The following ASXL3 variants were observed in gnomAD, a reference collection of about 807,000 sequenced individuals.
ASXL3 encodes ASXL transcriptional regulator 3.
ASXL3 carries 34 observed loss-of-function variants against 170.6 expected under a neutral mutation model. The ratio of observed to expected loss-of-function variants is 0.20; its 90% CI spans 0.15 to 0.27. The LOEUF is 0.27. Among genes scored for constraint, ASXL3 ranks in the 10% least tolerant of loss-of-function variants. The pLI, the probability that ASXL3 is intolerant of heterozygous loss-of-function variation, is 1.00. For missense variants in ASXL3, 2,592 were observed against 2,695.3 expected (o/e 0.96, Z 0.85); for synonymous variants, 1,002 against 989.1 (o/e 1.01, Z -0.24).
intron 1 of ASXL3, among the ~76,000 whole-genome samples, chr18:33,604,962 A>C (rs542680426): frequency 6.6e-6 from 1 of 152,178 alleles, no homozygotes; most frequent in South Asian, 2.1e-4. Context: ...GAATTAAAAA[A>C]TAAGTACTTG....
chr18:33,580,917 TA>T (rs1449864054), intron 1 of ASXL3, among the ~76,000 whole-genome samples: 3 of 152,200 alleles, frequency 2.0e-5, no homozygotes, highest in Non-Finnish European at 4.4e-5. Flanking sequence ...AAATACTGAA[TA>T]AAATTGCAAG....
chr18:33,665,262 G>A (rs551737304), intron 5 of ASXL3, among the ~76,000 whole-genome samples: 2 of 152,248 alleles, frequency 1.3e-5, no homozygotes, highest in African/African-American at 4.8e-5. Flanking sequence ...GGGTGGTAGA[G>A]TTTATTCATA....
At chr18:33,647,963 C>T (rs2065939863) in intron 4 of ASXL3, among the ~76,000 whole-genome samples, 1 of 151,914 alleles carries the variant, frequency 6.6e-6, no homozygotes, top group Admixed American at 6.6e-5. Context: ...ACAGCAGTTA[C>T]AAAGGCATTG....
intron 7 of ASXL3, among the ~76,000 whole-genome samples, chr18:33,679,533 T>C (rs183993045): frequency 6.6e-6 from 1 of 152,212 alleles, no homozygotes; most frequent in Admixed American, 6.5e-5. Context: ...TGAAGAAGTT[T>C]TTTCTTTTTT....
rs368907160 is a variant in ASXL3, at chr18:33,598,104, T to C, written c.55-9490T>C. Reference sequence around the variant, plus strand: ...TAGTATTCATATGTAGGCAAAAATATACACTAAGCACCTTAATTTTCATAA... The same window carrying C: ...TAGTATTCATATGTAGGCAAAAATACACACTAAGCACCTTAATTTTCATAA... On this transcript the variant is annotated intron_variant, in intron 1 of 11. Coordinates refer to ENST00000269197, the MANE Select transcript of ASXL3 (RefSeq NM_030632.3). 3.9e-5 allele frequency among the ~76,000 whole-genome samples: 6 copies of C among 152,138 alleles called. No homozygotes were observed. In the East Asian group the frequency reaches 9.6e-4, roughly 24 times the overall value.
chr18:33,684,213 T>A (rs139122423), intron 8 of ASXL3, among the ~76,000 whole-genome samples: 1 of 152,334 alleles, frequency 6.6e-6, no homozygotes, highest in African/African-American at 2.4e-5. Context: ...ACATAAACTT[T>A]TATTAAATTT....
Position 33,738,535 on chromosome 18 carries a change from C to G in ASXL3, c.1131C>G (p.Asn377Lys), listed in dbSNP as rs1296893208. The G allele has an allele frequency of 6.2e-7, 1 of 1,613,710 alleles. No individual in the cohort carries two copies. Residue 377 changes from asparagine (N) to lysine (K), a missense_variant, in exon 11 of 12, where the codon AAC (asparagine) becomes AAG (lysine). Around this residue, in one of 4 missense-constraint regions of ASXL3, gnomAD observed 2,246 missense variants for 2,219.6 expected, o/e 1.01. Transcript: ENST00000269197. ...CTGTGAAGCTCACTACTGGACCAAA[C>G]AACGCTGGAGCTCAAAGTAGTTCTT... ...EESVKLTTGPNNAGAQSSSSC... is the reference protein window; with the variant it reads ...EESVKLTTGPKNAGAQSSSSC...
Position 33,740,085 on chromosome 18 carries a change from G to T in ASXL3, c.2681G>T (p.Gly894Val), listed in dbSNP as rs772381283. The change falls in exon 11 of 12, where the codon GGA becomes GTA. Residue 894 changes from glycine (G) to valine (V), a missense_variant. Physicochemically the swap from Gly to Val is moderately radical, Grantham distance 109 (BLOSUM62 -3). This residue lies in a region of ASXL3 where 2,246 missense variants were observed against 2,219.6 expected (regional missense o/e 1.01). Coordinates refer to ENST00000269197, the MANE Select transcript of ASXL3 (RefSeq NM_030632.3). ...SVFSEGTDNK[G>V]NELPSAKLQD... ...TTTTCTGAAGGGACAGATAATAAGG[G>T]AAATGAGCTTCCATCTGCTAAATTA... is the stretch of plus-strand genomic sequence containing the variant. 11 of 1,613,776 alleles carry T rather than the reference G, an allele frequency of 6.8e-6. No individual in the cohort carries two copies. In the African/African-American group the frequency reaches 9.3e-5, roughly 14 times the overall value.
At chr18:33,594,991 G>T (rs1464132497) in intron 1 of ASXL3, among the ~76,000 whole-genome samples, 3 of 152,108 alleles carry the variant, frequency 2.0e-5, no homozygotes, top group Non-Finnish European at 4.4e-5. Context: ...AAATATTTAT[G>T]CATGACTCAA....
chr18:33,665,680 A>G (rs750177064), intron 5 of ASXL3, among the ~76,000 whole-genome samples: 1 of 152,224 alleles, frequency 6.6e-6, no homozygotes, highest in Non-Finnish European at 1.5e-5. Flanking sequence ...TTCCATTAGG[A>G]TAGGAATGAA....
intron 7 of ASXL3, among the ~76,000 whole-genome samples, chr18:33,676,742 T>G (rs1475538232): frequency 6.6e-6 from 1 of 152,138 alleles, no homozygotes; most frequent in South Asian, 2.1e-4. Flanking sequence ...AAGCATGTGT[T>G]TTTCTTGCCT....
At chr18:33,713,078 A>G (rs541080365) in intron 8 of ASXL3, among the ~76,000 whole-genome samples, 1 of 152,072 alleles carries the variant, frequency 6.6e-6, no homozygotes, top group Admixed American at 6.6e-5. Flanking sequence ...GAAGTTGGAC[A>G]CAGCCACCAG....
At chr18:33,735,286 G>T (rs2067525095) in intron 10 of ASXL3, among the ~76,000 whole-genome samples, 1 of 152,140 alleles carries the variant, frequency 6.6e-6, no homozygotes, top group African/African-American at 2.4e-5. Flanking sequence ...GGAGTCTCAC[G>T]TGAGAGCTCT....
chr18:33,647,899 C>G (rs1207308348), intron 4 of ASXL3, among the ~76,000 whole-genome samples: 1 of 151,756 alleles, frequency 6.6e-6, no homozygotes, highest in African/African-American at 2.4e-5. Context: ...TTAGAAAAGA[C>G]CTGAGGAGCA....
intron 5 of ASXL3, among the ~76,000 whole-genome samples, chr18:33,667,473 T>C (rs1052641983): frequency 6.6e-6 from 1 of 152,222 alleles, no homozygotes. Context: ...TTGCTTTCTC[T>C]GTAAACTCCC....
chr18:33,598,149 C>T (rs2065147561), intron 1 of ASXL3, among the ~76,000 whole-genome samples: 1 of 152,134 alleles, frequency 6.6e-6, no homozygotes, highest in African/African-American at 2.4e-5. Context: ...AATCCTACAT[C>T]TGCAAATATT....
intron 8 of ASXL3, among the ~76,000 whole-genome samples, chr18:33,718,373 C>T (rs1235116478): frequency 6.6e-6 from 1 of 152,162 alleles, no homozygotes; most frequent in Non-Finnish European, 1.5e-5. Context: ...GTTGTTCTCA[C>T]CTTCCCTGTA....
At chr18:33,591,528 A>G (rs1356225951) in intron 1 of ASXL3, among the ~76,000 whole-genome samples, 1 of 152,236 alleles carries the variant, frequency 6.6e-6, no homozygotes, top group Admixed American at 6.5e-5. Flanking sequence ...CTCTGTTTAC[A>G]AACCAAGTTC....
rs4799705 is a variant in ASXL3, at chr18:33,645,066, G to T, written c.246+64G>T. The T allele has an allele frequency of 0.49, 555,847 of 1,144,434 alleles. 138,489 individuals are homozygous for T. The highest frequency in any genetic ancestry group is 0.77 in the East Asian group (28,947 of 37,656). The allele number at this position is 1,144,434 out of a possible 1,614,324, so 70.9% of individuals were successfully genotyped here. A position where few individuals can be genotyped will look rare whatever the true frequency, so the allele number is the denominator to read the frequency against. On this transcript the variant is annotated intron_variant, in intron 3 of 11. Transcript: ENST00000269197. Reference sequence around the variant, plus strand: ...CATGCATTTTTTCAGACATGTGAAGGTAAACAAAATTAGATTTGAAGAGTA... The same window carrying T: ...CATGCATTTTTTCAGACATGTGAAGTTAAACAAAATTAGATTTGAAGAGTA...
Sources: gnomAD v4.1 joint callset for allele counts (sites outside exome capture counted in the v4.1 genomes callset) on GRCh38, gnomAD v4.1.1 for gene constraint, gnomAD v4.1.1 regional missense constraint, MANE v1.5 for transcripts, NCBI Gene and HGNC (gene_info 2026-07-23, HGNC 2026-07-21) for gene names.